CACNA2D1: variants seen among roughly 807,000 people sequenced by gnomAD.
CACNA2D1 encodes calcium voltage-gated channel auxiliary subunit alpha2delta 1.
In CACNA2D1, 53 loss-of-function variants were observed where a neutral mutation model predicts 171.5. The observed-to-expected ratio is 0.31, with a 90% CI of 0.25 to 0.39. CACNA2D1 has a LOEUF of 0.39. Ranked by LOEUF, CACNA2D1 falls within the 10% of genes least tolerant of loss-of-function variation. The pLI, the probability that CACNA2D1 is intolerant of heterozygous loss-of-function variation, is 1.00. For missense variants in CACNA2D1, 903 were observed against 1,299.8 expected (o/e 0.69, Z 4.69); for synonymous variants, 442 against 443.1 (o/e 1.00, Z 0.03).
intron 38 of CACNA2D1, among the ~76,000 whole-genome samples, chr7:81,952,203 T>A (rs1295252479): frequency 2.0e-5 from 3 of 151,222 alleles, no homozygotes; most frequent in Non-Finnish European, 4.4e-5. Context: ...TATTTAAACA[T>A]CTTTAAAGAA....
intron 7 of CACNA2D1, among the ~76,000 whole-genome samples, chr7:82,078,019 A>G (rs912997796): frequency 3.9e-5 from 6 of 152,186 alleles, no homozygotes; most frequent in African/African-American, 1.4e-4. Flanking sequence ...TGTATGGAAA[A>G]AAAAAGTCAT....
intron 3 of CACNA2D1, among the ~76,000 whole-genome samples, chr7:82,254,522 C>T (rs2129320833): frequency 6.6e-6 from 1 of 152,164 alleles, no homozygotes; most frequent in East Asian, 1.9e-4. Context: ...CATATGGTTA[C>T]TATTAGCAGC....
chr7:82,235,500 T>G (rs1803478433), intron 3 of CACNA2D1, among the ~76,000 whole-genome samples: 1 of 152,146 alleles, frequency 6.6e-6, no homozygotes, highest in Non-Finnish European at 1.5e-5. Context: ...AAATTTCCAG[T>G]CGCTCATGCC....
chr7:82,283,724 A>C (rs914023056), intron 3 of CACNA2D1, among the ~76,000 whole-genome samples: 15 of 152,298 alleles, frequency 9.8e-5, no homozygotes, highest in Non-Finnish European at 5.9e-5. Flanking sequence ...AAATTGCATA[A>C]GGGAAAAATA....
intron 3 of CACNA2D1, among the ~76,000 whole-genome samples, chr7:82,319,739 C>A (rs1390493394): frequency 2.0e-5 from 3 of 152,104 alleles, no homozygotes; most frequent in East Asian, 3.8e-4. Context: ...ACAGTGTAAA[C>A]AATCAGGGGT....
chr7:82,398,735 G>A (rs959881994), intron 1 of CACNA2D1, among the ~76,000 whole-genome samples: 1 of 151,826 alleles, frequency 6.6e-6, no homozygotes, highest in Non-Finnish European at 1.5e-5. Flanking sequence ...GCACCACCAT[G>A]CTGGCTATTT....
chr7:82,059,069 T>A (rs935630711), intron 10 of CACNA2D1, among the ~76,000 whole-genome samples: 1 of 152,144 alleles, frequency 6.6e-6, no homozygotes, highest in Non-Finnish European at 1.5e-5. Flanking sequence ...CTTTCTAGTC[T>A]CCCTTGGTGA....
At chr7:82,296,558 T>C (rs552800665) in intron 3 of CACNA2D1, among the ~76,000 whole-genome samples, 2 of 152,288 alleles carry the variant, frequency 1.3e-5, no homozygotes, top group South Asian at 4.1e-4. Flanking sequence ...AAACAAGTTG[T>C]ATGTCTCCTT....
intron 1 of CACNA2D1, among the ~76,000 whole-genome samples, chr7:82,400,809 G>A (rs1826309900): frequency 1.3e-5 from 2 of 150,724 alleles, no homozygotes; most frequent in South Asian, 2.1e-4. Context: ...CTACTCATCT[G>A]ACAAAGGGCT....
chr7:81,976,312 G>C (rs796613068), intron 24 of CACNA2D1, among the ~76,000 whole-genome samples: 3 of 152,192 alleles, frequency 2.0e-5, no homozygotes, highest in African/African-American at 7.2e-5. Context: ...GTATAGCATT[G>C]AATCTATAAA....
Position 82,434,151 on chromosome 7 carries a change from G to A in CACNA2D1, c.95+9214C>T, listed in dbSNP as rs1327624044. Reference sequence around the variant, plus strand: ...AAGAAAAGCAGAAAATGACTTGAGAGATTATCATGATAGCAGTCTCACCTT... The same window carrying A: ...AAGAAAAGCAGAAAATGACTTGAGAAATTATCATGATAGCAGTCTCACCTT... On this transcript the variant is annotated intron_variant, in intron 1 of 38. Coordinates refer to ENST00000356860, the MANE Select transcript of CACNA2D1 (RefSeq NM_000722.4). 3.9e-5 allele frequency among the ~76,000 whole-genome samples: 6 copies of A among 152,204 alleles called. No homozygotes were observed. In the South Asian group the frequency reaches 1.2e-3, roughly 31 times the overall value.
chr7:82,439,736 G>A (rs1218254081), intron 1 of CACNA2D1, among the ~76,000 whole-genome samples: 2 of 151,126 alleles, frequency 1.3e-5, no homozygotes, highest in Non-Finnish European at 1.5e-5. Context: ...TATATCTATT[G>A]TTGCATATTT....
At chr7:82,337,831 T>C (rs978610063) in intron 2 of CACNA2D1, among the ~76,000 whole-genome samples, 5 of 152,160 alleles carry the variant, frequency 3.3e-5, no homozygotes, top group African/African-American at 1.2e-4. Context: ...TTCCCTAAAG[T>C]TGAAGTTCTC....
At chr7:82,054,024 G>C (rs1805519726) in intron 10 of CACNA2D1, among the ~76,000 whole-genome samples, 1 of 152,130 alleles carries the variant, frequency 6.6e-6, no homozygotes, top group African/African-American at 2.4e-5. Context: ...TAAGAAATTA[G>C]TTAACAATTT....
At chr7:82,096,337 C>G (rs1811857769) in intron 6 of CACNA2D1, among the ~76,000 whole-genome samples, 2 of 152,052 alleles carry the variant, frequency 1.3e-5, no homozygotes. Flanking sequence ...TATACCCGAG[C>G]TCCAGGGCCT....
intron 3 of CACNA2D1, among the ~76,000 whole-genome samples, chr7:82,316,405 T>C (rs1007611416): frequency 2.0e-5 from 3 of 152,132 alleles, no homozygotes. Context: ...TTTTTAAAAA[T>C]CAAATATTTT....
intron 3 of CACNA2D1, among the ~76,000 whole-genome samples, chr7:82,309,018 G>C (rs1165177102): frequency 2.0e-5 from 3 of 152,170 alleles, no homozygotes; most frequent in Non-Finnish European, 4.4e-5. Flanking sequence ...ATTTGATTCT[G>C]TGTCTCTTTA....
chr7:81,953,933 T>C (rs1792905893), intron 38 of CACNA2D1, among the ~76,000 whole-genome samples: 1 of 152,170 alleles, frequency 6.6e-6, no homozygotes, highest in South Asian at 2.1e-4. Flanking sequence ...GAGATATGTC[T>C]GTTTCTATTT....
At chr7:82,002,457 C>G (rs958024859) in intron 18 of CACNA2D1, among the ~76,000 whole-genome samples, 1 of 152,074 alleles carries the variant, frequency 6.6e-6, no homozygotes, top group African/African-American at 2.4e-5. Context: ...GAAAATTGTA[C>G]GATATTAAAA....
Sources: allele counts gnomAD v4.1 joint callset (sites outside exome capture counted in the v4.1 genomes callset), GRCh38; gene constraint gnomAD v4.1.1; transcripts MANE v1.5; gene names NCBI Gene and HGNC (gene_info 2026-07-23, HGNC 2026-07-21).